The following GRID1 variants were observed in gnomAD, a reference collection of about 807,000 sequenced individuals.
GRID1 encodes the protein glutamate receptor ionotropic, delta-1.
In GRID1, 28 loss-of-function variants were observed where a neutral mutation model predicts 98.0. The observed-to-expected ratio is 0.29, with a 90% CI of 0.21 to 0.39. GRID1 has a LOEUF of 0.39. Ranked by LOEUF, GRID1 falls within the 10% of genes least tolerant of loss-of-function variation. The probability of loss-of-function intolerance (pLI) is 1.00; values close to 1 mark genes in which losing one functional copy is unlikely to be tolerated. For synonymous variants in GRID1, 553 were observed against 538.5 expected (o/e 1.03, Z -0.37); for missense variants, 1,111 against 1,340.5 (o/e 0.83, Z 2.67).
In GRID1 at chr10:85,854,610, G is replaced by T. The variant is rs1432517179; in HGVS notation, c.1119C>A (p.His373Gln). 3.1e-6 allele frequency: 5 copies of T among 1,613,954 alleles called. No individual in the cohort carries two copies. In the African/African-American group the frequency reaches 5.3e-5, roughly 17 times the overall value. The stretch of plus-strand genomic sequence containing the variant: ...CCATCACCCCAGTGAGGCCAGTGAT[G>T]TGGCCCTGCAGAAGAGGAGAAAAAC... Reference protein sequence around the residue: ...RSMLDTIKKGHITGLTGVMEF... With the variant: ...RSMLDTIKKGQITGLTGVMEF... Residue 373 changes from histidine to glutamine, a missense_variant, in exon 8 of 16, where the codon CAC (histidine) becomes CAA (glutamine). His to Gln is a conservative substitution (Grantham distance 24, BLOSUM62 0). Transcript: ENST00000327946.
intron 4 of GRID1, among the ~76,000 whole-genome samples, chr10:85,977,220 C>T (rs1842484072): frequency 6.6e-6 from 1 of 152,202 alleles, no homozygotes; most frequent in African/African-American, 2.4e-5. Context: ...AGAAAAGTGG[C>T]TGGCATGTAG....
chr10:86,156,288 CT>C (rs1395336005), intron 3 of GRID1, among the ~76,000 whole-genome samples: 1 of 152,228 alleles, frequency 6.6e-6, no homozygotes, highest in Admixed American at 6.5e-5. Flanking sequence ...TTTTATAGCT[CT>C]AGTGGGTGCT....
intron 2 of GRID1, chr10:86,264,599 G>A (rs1457392792): frequency 6.6e-6 from 3 of 455,768 alleles, no homozygotes; most frequent in East Asian, 6.9e-5. Context: ...GGCTCAGGAG[G>A]GCCTGGCCTG....
chr10:85,786,603 T>G (rs1842431548), intron 8 of GRID1, among the ~76,000 whole-genome samples: 1 of 152,138 alleles, frequency 6.6e-6, no homozygotes, highest in Non-Finnish European at 1.5e-5. Context: ...CCCTGCTGCC[T>G]CACCCAGGGG....
intron 8 of GRID1, among the ~76,000 whole-genome samples, chr10:85,851,555 C>T (rs980836212): frequency 2.6e-5 from 4 of 152,194 alleles, no homozygotes; most frequent in African/African-American, 9.7e-5. Flanking sequence ...GGGTGACTCA[C>T]CATCCCTGAG....
In GRID1 at chr10:85,826,473, A is replaced by G. The variant is rs60880457; in HGVS notation, c.1233+28023T>C. On this transcript the variant is annotated intron_variant, in intron 8 of 15. Coordinates refer to ENST00000327946, the MANE Select transcript of GRID1 (RefSeq NM_017551.3). ...AAAAGAAGGGAAAATCCCTGTGAAC[A>G]TGTTCACAGATGCCAGCAACTGTGA... Among the ~76,000 whole-genome samples, 869 of 152,234 alleles carry G rather than the reference A, an allele frequency of 5.7e-3. 8 individuals carry two copies. The highest frequency in any genetic ancestry group is 0.02 in the African/African-American group (818 of 41,570).
At chr10:86,361,743 T>A (rs1272512233) in intron 2 of GRID1, among the ~76,000 whole-genome samples, 1 of 152,210 alleles carries the variant, frequency 6.6e-6, no homozygotes, top group Non-Finnish European at 1.5e-5. Flanking sequence ...AGGTCCAGAT[T>A]TGGGGCTCCT....
At chr10:86,017,707 A>AGTTATTT (rs1299735739) in intron 4 of GRID1, among the ~76,000 whole-genome samples, 5 of 152,196 alleles carry the variant, frequency 3.3e-5, no homozygotes, top group Non-Finnish European at 7.3e-5. Context: ...TCCACCCTTG[A>AGTTATTT]GTTATTTGTG....
chr10:86,090,017 G>T (rs181255352), intron 4 of GRID1, among the ~76,000 whole-genome samples: 2 of 152,106 alleles, frequency 1.3e-5, no homozygotes, highest in Admixed American at 6.5e-5. Flanking sequence ...AAAGTGCTGG[G>T]ATTACAGGTG....
At chr10:86,092,451 T>C (rs1241084119) in intron 4 of GRID1, among the ~76,000 whole-genome samples, 2 of 152,074 alleles carry the variant, frequency 1.3e-5, no homozygotes, top group African/African-American at 4.8e-5. Flanking sequence ...TAAGAAAATA[T>C]GAACAAAGCT....
rs765362375 is a variant in GRID1 at position 86,152,951 on chromosome 10, G to A, written c.521-13927C>T. ...CATAATTACTTTCTGATATTTACTC[G>A]GGTTTAATTTGTTTCCTCGGGAACC... On this transcript the variant is annotated intron_variant, in intron 3 of 15. Transcript: ENST00000327946. Among the ~76,000 whole-genome samples, 3 of 152,152 alleles carry A rather than the reference G, an allele frequency of 2.0e-5. No homozygotes were observed. In the East Asian group the frequency reaches 5.8e-4, roughly 29 times the overall value.
chr10:85,676,299 A>C (rs1056185562), intron 12 of GRID1, among the ~76,000 whole-genome samples: 3 of 152,126 alleles, frequency 2.0e-5, no homozygotes, highest in Non-Finnish European at 4.4e-5. Context: ...CGCAGCCCAC[A>C]GCCAGCAACT....
chr10:85,824,235 C>A (rs1413591071), intron 8 of GRID1, among the ~76,000 whole-genome samples: 1 of 152,112 alleles, frequency 6.6e-6, no homozygotes, highest in African/African-American at 2.4e-5. Context: ...TGCCTTGTCG[C>A]AAGAGTACGA....
chr10:86,153,398 A>T (rs1443213296), intron 3 of GRID1, among the ~76,000 whole-genome samples: 1 of 152,246 alleles, frequency 6.6e-6, no homozygotes, highest in Non-Finnish European at 1.5e-5. Context: ...AAATTATATA[A>T]ACCTATAATT....
chr10:86,130,222 G>A (rs192690247), intron 4 of GRID1, among the ~76,000 whole-genome samples: 1 of 152,398 alleles, frequency 6.6e-6, no homozygotes, highest in East Asian at 1.9e-4. Flanking sequence ...CTGATGCAGA[G>A]CCCTTCTTCT....
intron 8 of GRID1, among the ~76,000 whole-genome samples, chr10:85,747,141 G>A (rs1334837483): frequency 6.6e-6 from 1 of 152,108 alleles, no homozygotes; most frequent in African/African-American, 2.4e-5. Context: ...AGAACGGTTA[G>A]GTGATTTGTG....
chr10:85,977,753 G>A (rs1842490866), intron 4 of GRID1, among the ~76,000 whole-genome samples: 1 of 152,142 alleles, frequency 6.6e-6, no homozygotes, highest in Admixed American at 6.5e-5. Context: ...GAAATACCCA[G>A]CCAGTCCTTA....
chr10:85,794,581 AG>A (rs751801578), intron 8 of GRID1, among the ~76,000 whole-genome samples: 9 of 152,266 alleles, frequency 5.9e-5, no homozygotes, highest in Non-Finnish European at 8.8e-5. Flanking sequence ...AAGGATTGAC[AG>A]ATTGAATAGC....
intron 8 of GRID1, among the ~76,000 whole-genome samples, chr10:85,847,664 T>A (rs955897396): frequency 6.6e-6 from 1 of 151,828 alleles, no homozygotes; most frequent in African/African-American, 2.4e-5. Context: ...AGCTAGGCCA[T>A]CATGTCACAA....
Sources: gnomAD v4.1 joint callset for allele counts (sites outside exome capture counted in the v4.1 genomes callset) on GRCh38, gnomAD v4.1.1 for gene constraint, MANE v1.5 for transcripts, NCBI Gene and HGNC (gene_info 2026-07-23, HGNC 2026-07-21) for gene names.